The following ANKRD27 variants were observed in gnomAD, a reference collection of about 807,000 sequenced individuals.
The protein encoded by ANKRD27 is ankyrin repeat domain 27, also known as ankyrin repeat domain-containing protein 27.
A neutral mutation model predicts 129.7 loss-of-function variants in ANKRD27; 112 were observed. The observed-to-expected ratio is 0.86, with a 90% CI of 0.74 to 1.01. ANKRD27 has a LOEUF of 1.01. Ranked by LOEUF, ANKRD27 falls within the 50% of genes least tolerant of loss-of-function variation. The pLI is 0.00. For synonymous variants in ANKRD27, 516 were observed against 511.2 expected, an observed-to-expected ratio of 1.01 and a Z score of -0.13; for missense variants, 1,258 against 1,300.5, an observed-to-expected ratio of 0.97 and a Z score of 0.50.
chr19:32,606,051 T>A lies in ANKRD27; in HGVS notation c.2374-97A>T, dbSNP rs1971729869. 3.5e-5 allele frequency: 37 copies of A among 1,062,940 alleles called. No homozygotes were observed. In the South Asian group the frequency reaches 7.9e-4, roughly 23 times the overall value. 65.8% of individuals were successfully genotyped at this position (1,062,940 alleles called of 1,614,324 possible). On this transcript the variant is annotated intron_variant, in intron 23 of 28. Coordinates refer to ENST00000306065, the MANE Select transcript of ANKRD27 (RefSeq NM_032139.3). The stretch of plus-strand genomic sequence containing the variant: ...AAAATAAATAAATAAATAAATAAAA[T>A]AAGAAAACAAAGTTTCTGGAGAGAA...
chr19:32,666,644 T>C (rs919457002), intron 1 of ANKRD27, among the ~76,000 whole-genome samples: 3 of 145,728 alleles, frequency 2.1e-5, no homozygotes, highest in South Asian at 2.2e-4. Flanking sequence ...GATTTCTATT[T>C]TTTTTTTTTT....
chr19:32,641,959 A>G (rs1599759992), intron 10 of ANKRD27, 65 bp downstream of exon 10: 5 of 1,496,132 alleles, frequency 3.3e-6, no homozygotes, highest in Non-Finnish European at 4.5e-6. Flanking sequence ...AGACAGCATC[A>G]CTCTTTGCTT....
intron 2 of ANKRD27, among the ~76,000 whole-genome samples, chr19:32,652,497 G>A (rs1967436987): frequency 1.3e-5 from 2 of 151,948 alleles, no homozygotes; most frequent in Non-Finnish European, 2.9e-5. Flanking sequence ...GGTGGCTGAG[G>A]CCGGGAGGCA....
At position 32,659,378 on chromosome 19, in the gene ANKRD27, G is replaced by A. The variant is rs572348261; in HGVS notation, c.-30-333C>T. ...ATTACAGGCATGAGCTGTCACACCC[G>A]ACCTGCATCTGGCAATTTCTAAAGA... is the stretch of plus-strand genomic sequence containing the variant. On this transcript the variant is annotated intron_variant, in intron 1 of 28. Coordinates refer to ENST00000306065, the MANE Select transcript of ANKRD27 (RefSeq NM_032139.3). 1.8e-4 allele frequency among the ~76,000 whole-genome samples: 28 copies of A among 152,122 alleles called. 1 individual carries two copies. The South Asian group carries it at 5.4e-3, about 29-fold the overall frequency.
intron 23 of ANKRD27, among the ~76,000 whole-genome samples, chr19:32,606,288 G>A (rs1971735160): frequency 6.6e-6 from 1 of 151,880 alleles, no homozygotes; most frequent in African/African-American, 2.4e-5. Flanking sequence ...GAGCAGCTGG[G>A]ACTACAGGCG....
At chr19:32,619,614 G>C (rs1477237593) in intron 18 of ANKRD27, 61 bp from the exon 19 acceptor site, 65 of 1,590,518 alleles carry the variant, frequency 4.1e-5, no homozygotes, top group Non-Finnish European at 5.5e-5. Flanking sequence ...TCAGCACAGT[G>C]CCATCACCCA....
intron 18 of ANKRD27, among the ~76,000 whole-genome samples, chr19:32,621,633 A>G (rs1972011432): frequency 2.0e-5 from 3 of 152,208 alleles, no homozygotes; most frequent in Non-Finnish European, 4.4e-5. Flanking sequence ...ATCTCAAAAC[A>G]ACAAAAAAAA....
At position 32,642,023 on chromosome 19, in the gene ANKRD27, C is replaced by T; in HGVS notation, c.904+1G>A. 1 of 1,579,414 alleles carries T rather than the reference C, an allele frequency of 6.3e-7. No individual in the cohort carries two copies. Among genetic ancestry groups the T allele is most frequent in the Non-Finnish European group, 8.6e-7 (1 of 1,158,588 alleles). On this transcript the variant is annotated splice_donor_variant, in intron 10 of 28. Transcript: ENST00000306065. LOFTEE classifies it high-confidence loss of function. ...GGCCAGTCCCCTTTCCAAGCACAAA[C>T]CTCTCTGGCTTGGAGACTGTGTAAT...
chr19:32,626,068 CTTA>C, intron 16 of ANKRD27, 102 bp from the exon 17 acceptor site: 1 of 772,604 alleles, frequency 1.3e-6, no homozygotes, highest in East Asian at 3.0e-5. Flanking sequence ...CATCTTCGAT[CTTA>C]TTTATGCTAC....
At chr19:32,652,971 AT>A (rs1467491527) in intron 2 of ANKRD27, among the ~76,000 whole-genome samples, 1 of 152,108 alleles carries the variant, frequency 6.6e-6, no homozygotes, top group Non-Finnish European at 1.5e-5. Context: ...AAAGGCAAGA[AT>A]CTGCCTGAGT....
chr19:32,617,816 G>A (rs1029683296), intron 20 of ANKRD27, among the ~76,000 whole-genome samples, 183 bp from the exon 21 acceptor site: 7 of 150,258 alleles, frequency 4.7e-5, no homozygotes, highest in African/African-American at 9.8e-5. Context: ...GTGCAGTGGC[G>A]CAATCTCGGC....
At chr19:32,608,567 CAAAAAT>C (rs1215190483) in intron 22 of ANKRD27, 1 of 184,288 alleles carries the variant, frequency 5.4e-6, no homozygotes, top group Non-Finnish European at 1.2e-5. Context: ...AATTATATCT[CAAAAAT>C]AAAAAAGAAG....
chr19:32,654,031 G>A (rs979412019), intron 2 of ANKRD27, among the ~76,000 whole-genome samples: 4 of 152,150 alleles, frequency 2.6e-5, no homozygotes, highest in Middle Eastern at 3.2e-3. Flanking sequence ...CTCCCCAGTA[G>A]CTGGGATTAT....
At chr19:32,651,162 T>G (rs1967408837) in intron 2 of ANKRD27, among the ~76,000 whole-genome samples, 1 of 152,178 alleles carries the variant, frequency 6.6e-6, no homozygotes, top group African/African-American at 2.4e-5. Context: ...GGCTCCCAAG[T>G]GGCCTCACCA....
chr19:32,625,592 T>G (rs7258672), intron 17 of ANKRD27, among the ~76,000 whole-genome samples: 37 of 151,716 alleles, frequency 2.4e-4, no homozygotes, highest in African/African-American at 8.9e-4. Flanking sequence ...CACCACGCCC[T>G]GCTAATTTTT....
intron 2 of ANKRD27, among the ~76,000 whole-genome samples, chr19:32,656,354 G>A (rs1445308513): frequency 6.6e-6 from 1 of 152,168 alleles, no homozygotes; most frequent in African/African-American, 2.4e-5. Flanking sequence ...CCCGCAGTAC[G>A]GCCAGGCCCT....
chr19:32,606,939 CAAAAAAAAAAAA>C (rs532062312), intron 23 of ANKRD27, among the ~76,000 whole-genome samples: 3 of 65,648 alleles, frequency 4.6e-5, no homozygotes, highest in South Asian at 7.3e-4. Context: ...CCCATCTCCA[CAAAAAAAAAAAA>C]AAAAAAAAAA....
intron 1 of ANKRD27, among the ~76,000 whole-genome samples, chr19:32,659,683 T>C (rs1050042844): frequency 6.6e-6 from 1 of 152,126 alleles, no homozygotes; most frequent in African/African-American, 2.4e-5. Context: ...TGAGTAATAA[T>C]GCAAACCTAG....
intron 28 of ANKRD27, among the ~76,000 whole-genome samples, chr19:32,599,425 T>C (rs914864814): frequency 1.3e-5 from 2 of 152,184 alleles, no homozygotes; most frequent in Non-Finnish European, 2.9e-5. Flanking sequence ...CATAGTGAAA[T>C]GTGGGATGTT....
Sources: allele counts gnomAD v4.1 joint callset (sites outside exome capture counted in the v4.1 genomes callset), GRCh38; gene constraint gnomAD v4.1.1; transcripts MANE v1.5; gene names NCBI Gene and HGNC (gene_info 2026-07-23, HGNC 2026-07-21).